EVI5: variants seen among roughly 807,000 people sequenced by gnomAD.
EVI5 encodes ecotropic viral integration site 5.
A neutral mutation model predicts 112.0 loss-of-function variants in EVI5; 73 were observed. The observed-to-expected ratio is 0.65, with a 90% CI of 0.54 to 0.79. The LOEUF (loss-of-function observed/expected upper bound fraction) is 0.79, where lower values mean the gene tolerates loss of function less well. Ranked by LOEUF, EVI5 falls within the 30% of genes least tolerant of loss-of-function variation. The pLI is 0.00. For missense variants in EVI5, 900 were observed against 968.8 expected, an observed-to-expected ratio of 0.93 and a Z score of 0.94; for synonymous variants, 305 against 319.9, an observed-to-expected ratio of 0.95 and a Z score of 0.50.
rs752171993 is a variant in EVI5 at position 92,513,779 on chromosome 1, G to A, written c.2358C>T (p.Pro786=). 7.4e-6 allele frequency: 12 copies of A among 1,612,798 alleles called. No homozygotes were observed. Among genetic ancestry groups the A allele is most frequent in the East Asian group, 4.5e-5 (2 of 44,816 alleles). ...HGKSGSMSLD[P]AVADGSESET... is the part of the protein sequence containing the mutation. ...CGCTCTCACTACCATCTGCCACTGC[G>A]GGGTCCAAAGACATCGAACCAGATT... Residue 786 remains proline (P), a synonymous_variant, in exon 20 of 20, where the codon CCC becomes CCT. Transcript: ENST00000684568.
chr1:92,586,640 G>A (rs1033535780), intron 18 of EVI5, among the ~76,000 whole-genome samples: 4 of 130,182 alleles, frequency 3.1e-5, no homozygotes, highest in Non-Finnish European at 6.2e-5. Context: ...GTGTGTGTGT[G>A]TGCATTTTGA....
intron 5 of EVI5, among the ~76,000 whole-genome samples, chr1:92,699,132 GAGTCACTCTTGGCAAA>G (rs1670747420): frequency 6.6e-6 from 1 of 152,088 alleles, no homozygotes; most frequent in Non-Finnish European, 1.5e-5. Flanking sequence ...AGGGGGCCAA[GAGTCACTCTTGGCAAA>G]ACCTGCACTT....
At chr1:92,609,395 T>TTGCTCAGGCTGGAG (rs11271781) in intron 16 of EVI5, among the ~76,000 whole-genome samples, 138,911 of 151,174 alleles carry the variant, frequency 0.92, 63,911 homozygotes, top group East Asian at 0.97. Flanking sequence ...TCTCACTTTG[T>TTGCTCAGGCTGGAG]TGCTCAGGCT....
At chr1:92,650,591 T>C (rs1661915502) in intron 13 of EVI5, among the ~76,000 whole-genome samples, 1 of 152,072 alleles carries the variant, frequency 6.6e-6, no homozygotes, top group Non-Finnish European at 1.5e-5. Flanking sequence ...TCCAATCTTA[T>C]AATTGGTATA....
chr1:92,789,285 G>C (rs1685907285), upstream of EVI5, among the ~76,000 whole-genome samples: 1 of 151,646 alleles, frequency 6.6e-6, no homozygotes, highest in Non-Finnish European at 1.5e-5. Flanking sequence ...TTGGACTCCT[G>C]AATTCAAGCC....
At chr1:92,682,388 G>T (rs772284283) in intron 9 of EVI5, among the ~76,000 whole-genome samples, 1 of 152,114 alleles carries the variant, frequency 6.6e-6, no homozygotes, top group Non-Finnish European at 1.5e-5. Context: ...ATATCATTCT[G>T]TCAGTCTTCT....
At chr1:92,648,819 T>C (rs191605528) in intron 13 of EVI5, among the ~76,000 whole-genome samples, 23 of 152,368 alleles carry the variant, frequency 1.5e-4, no homozygotes, top group African/African-American at 5.0e-4. Context: ...CTGTGAATGC[T>C]GCTGCTACAA....
intron 18 of EVI5, among the ~76,000 whole-genome samples, chr1:92,592,562 C>T (rs1027169875): frequency 3.3e-5 from 5 of 152,140 alleles, no homozygotes; most frequent in African/African-American, 1.2e-4. Flanking sequence ...CAAGAAATAA[C>T]TAAGATCGGA....
chr1:92,641,887 C>A (rs904132105), intron 13 of EVI5, among the ~76,000 whole-genome samples: 1 of 152,146 alleles, frequency 6.6e-6, no homozygotes, highest in Non-Finnish European at 1.5e-5. Context: ...CGCCTGTAAT[C>A]CCAGCACTTT....
chr1:92,703,649 ATTAT>A, intron 3 of EVI5, 30 bp from the exon 4 acceptor site: 1 of 1,355,094 alleles, frequency 7.4e-7, no homozygotes. Context: ...ACAAAAATGA[ATTAT>A]TTAAGTGTCC....
intron 10 of EVI5, among the ~76,000 whole-genome samples, chr1:92,671,920 C>T (rs746264007): frequency 1.3e-5 from 2 of 151,568 alleles, no homozygotes; most frequent in Admixed American, 6.6e-5. Context: ...CTCCTTCCTC[C>T]GCCTCCTGAG....
intron 18 of EVI5, among the ~76,000 whole-genome samples, chr1:92,603,862 G>C (rs1649747272): frequency 6.6e-6 from 1 of 151,832 alleles, no homozygotes; most frequent in African/African-American, 2.4e-5. Context: ...CTAAGTAACC[G>C]CGACTGGGAC....
intron 2 of EVI5, among the ~76,000 whole-genome samples, chr1:92,705,398 T>C (rs958064129): frequency 6.6e-6 from 1 of 152,206 alleles, no homozygotes; most frequent in African/African-American, 2.4e-5. Flanking sequence ...AACCGGTCCA[T>C]ATTCCTGCAC....
chr1:92,539,907 T>C (rs931786014), intron 19 of EVI5, among the ~76,000 whole-genome samples: 14 of 152,186 alleles, frequency 9.2e-5, no homozygotes, highest in African/African-American at 3.1e-4. Context: ...ACTAATCTAC[T>C]TTCTTTCTCT....
chr1:92,588,511 T>C (rs569210911), intron 18 of EVI5, among the ~76,000 whole-genome samples: 7 of 152,308 alleles, frequency 4.6e-5, no homozygotes, highest in South Asian at 4.1e-4. Context: ...ATAAACCACA[T>C]TGTGAAAATA....
At chr1:92,770,707 G>A (rs537586925) in intron 1 of EVI5, among the ~76,000 whole-genome samples, 12 of 151,704 alleles carry the variant, frequency 7.9e-5, no homozygotes, top group South Asian at 4.2e-4. Context: ...GGAGAATGGT[G>A]TGAACCCGGG....
At chr1:92,638,292 T>C (rs1659286473) in intron 13 of EVI5, among the ~76,000 whole-genome samples, 1 of 152,218 alleles carries the variant, frequency 6.6e-6, no homozygotes, top group Non-Finnish European at 1.5e-5. Flanking sequence ...AGAGCTGAAA[T>C]GCTCTGATAA....
chr1:92,695,168 T>C, intron 7 of EVI5, 142 bp downstream of exon 7: 1 of 603,602 alleles, frequency 1.7e-6, no homozygotes, highest in Admixed American at 2.9e-5. Context: ...AGGGTTATTA[T>C]AAGGTTTAAA....
chr1:92,532,478 A>G (rs1663037789), intron 19 of EVI5, among the ~76,000 whole-genome samples: 1 of 152,182 alleles, frequency 6.6e-6, no homozygotes, highest in African/African-American at 2.4e-5. Flanking sequence ...TCAACAGAAT[A>G]TATGTTCTTC....
Sources: allele counts gnomAD v4.1 joint callset (sites outside exome capture counted in the v4.1 genomes callset), GRCh38; gene constraint gnomAD v4.1.1; transcripts MANE v1.5; gene names NCBI Gene and HGNC (gene_info 2026-07-23, HGNC 2026-07-21).